Variants in CDC42BPA observed in about 807,000 individuals in gnomAD.
CDC42BPA encodes the protein serine/threonine-protein kinase MRCK alpha.
Under a neutral mutation model 223.5 loss-of-function variants are expected in CDC42BPA, and 80 were observed. The observed-to-expected ratio is 0.36, with a 90% CI of 0.30 to 0.43. The LOEUF (loss-of-function observed/expected upper bound fraction) is 0.43, where lower values mean the gene tolerates loss of function less well. Ranked by LOEUF, CDC42BPA falls within the 20% of genes least tolerant of loss-of-function variation. The probability of loss-of-function intolerance (pLI) is 1.00; values close to 1 mark genes in which losing one functional copy is unlikely to be tolerated. For missense variants in CDC42BPA, 1,743 were observed against 2,099.9 expected (o/e 0.83, Z 3.32); for synonymous variants, 694 against 718.6 (o/e 0.97, Z 0.55).
intron 14 of CDC42BPA, among the ~76,000 whole-genome samples, chr1:227,107,825 T>C (rs1453642614): frequency 6.6e-6 from 1 of 152,166 alleles, no homozygotes; most frequent in African/African-American, 2.4e-5. Context: ...GGGTTATTTG[T>C]ATCCTTCTAA....
chr1:227,242,490 G>A (rs2670451), intron 2 of CDC42BPA, among the ~76,000 whole-genome samples: 14,901 of 151,868 alleles, frequency 0.098, 1,177 homozygotes, highest in East Asian at 0.36. Flanking sequence ...AGATCAAGAT[G>A]AACATATAGA....
intron 9 of CDC42BPA, among the ~76,000 whole-genome samples, chr1:227,142,169 T>C (rs904939690): frequency 1.3e-5 from 2 of 152,140 alleles, no homozygotes; most frequent in African/African-American, 2.4e-5. Context: ...TAATAGTTAA[T>C]GTTCACTTAG....
At chr1:227,212,877 A>C (rs191519524) in intron 3 of CDC42BPA, among the ~76,000 whole-genome samples, 1 of 152,310 alleles carries the variant, frequency 6.6e-6, no homozygotes, top group East Asian at 1.9e-4. Context: ...TAGTTTGCAG[A>C]CATCCTTTAA....
chr1:227,179,635 C>CAAAAAAAAAAAAAAAA lies in CDC42BPA; in HGVS notation c.599+14135_599+14150dup, dbSNP rs59744442. 7.0e-4 allele frequency among the ~76,000 whole-genome samples: 24 copies of CAAAAAAAAAAAAAAAA among 34,242 alleles called. 3 individuals are homozygous for CAAAAAAAAAAAAAAAA. The highest frequency in any genetic ancestry group is 1.1e-3 in the Non-Finnish European group (22 of 20,246). The allele number at this position is 34,242 out of a possible 152,430, so 22.5% of individuals were successfully genotyped here. ...TGGGCAACAGAGCGAGCCTCCATCT[C>CAAAAAAAAAAAAAAAA]AAAAAAAAAAAAAAAAAAAAAAAAA... On this transcript the variant is annotated intron_variant, in intron 5 of 36. Coordinates refer to ENST00000366766, the MANE Select transcript of CDC42BPA (RefSeq NM_001394014.1).
At chr1:227,216,493 A>C (rs1674878618) in intron 2 of CDC42BPA, among the ~76,000 whole-genome samples, 1 of 152,228 alleles carries the variant, frequency 6.6e-6, no homozygotes, top group Non-Finnish European at 1.5e-5. Context: ...GGTGAAATAA[A>C]AGTCAGTTCA....
At chr1:227,123,430 T>C (rs562504448) in intron 11 of CDC42BPA, among the ~76,000 whole-genome samples, 8 of 152,348 alleles carry the variant, frequency 5.3e-5, no homozygotes, top group South Asian at 4.1e-4. Context: ...GCATCATACA[T>C]ATGGGGTTAT....
At chr1:227,080,822 A>G (rs1680475637) in intron 17 of CDC42BPA, 71 bp downstream of exon 17, 2 of 1,549,730 alleles carry the variant, frequency 1.3e-6, no homozygotes, top group Admixed American at 3.4e-5. Context: ...ATTAGTAGCC[A>G]CCTGGAATTC....
chr1:227,079,354 A>T (rs1680168149), intron 17 of CDC42BPA, among the ~76,000 whole-genome samples: 1 of 152,124 alleles, frequency 6.6e-6, no homozygotes, highest in South Asian at 2.1e-4. Context: ...GCCCACATTG[A>T]AAGCTTCCTT....
chr1:227,226,686 T>G (rs1207909517), intron 2 of CDC42BPA, among the ~76,000 whole-genome samples: 1 of 152,238 alleles, frequency 6.6e-6, no homozygotes, highest in East Asian at 1.9e-4. Flanking sequence ...GTTTTCTTTT[T>G]AAGTTAGTAT....
At chr1:227,084,658 G>C (rs952422490) in intron 16 of CDC42BPA, among the ~76,000 whole-genome samples, 25 of 150,376 alleles carry the variant, frequency 1.7e-4, no homozygotes, top group Non-Finnish European at 4.4e-5. Context: ...TTTTTTGTAT[G>C]TTTGTAGAGA....
chr1:227,108,665 G>A (rs1305160906), intron 14 of CDC42BPA, among the ~76,000 whole-genome samples: 2 of 152,148 alleles, frequency 1.3e-5, no homozygotes, highest in South Asian at 2.1e-4. Flanking sequence ...TAAAATCCAC[G>A]GATGCTCAAG....
chr1:227,305,456 A>G (rs1213024281), intron 1 of CDC42BPA, among the ~76,000 whole-genome samples: 3 of 152,092 alleles, frequency 2.0e-5, no homozygotes, highest in East Asian at 3.8e-4. Flanking sequence ...CCTCGTCTTC[A>G]TTTCTTGTTG....
intron 8 of CDC42BPA, among the ~76,000 whole-genome samples, chr1:227,145,124 T>G (rs1424568796): frequency 6.6e-6 from 1 of 152,230 alleles, no homozygotes; most frequent in Non-Finnish European, 1.5e-5. Flanking sequence ...ATGGTTGATT[T>G]TGATAATTTT....
chr1:227,136,016 T>C (rs1362950228), intron 10 of CDC42BPA, among the ~76,000 whole-genome samples: 1 of 152,078 alleles, frequency 6.6e-6, no homozygotes, highest in Non-Finnish European at 1.5e-5. Flanking sequence ...ATGACATCTT[T>C]CACATGAGAC....
intron 1 of CDC42BPA, among the ~76,000 whole-genome samples, chr1:227,274,855 T>C (rs1268777994): frequency 6.6e-6 from 1 of 152,146 alleles, no homozygotes; most frequent in Non-Finnish European, 1.5e-5. Flanking sequence ...AAGGTGCAAT[T>C]CATCAGGAAA....
intron 6 of CDC42BPA, among the ~76,000 whole-genome samples, chr1:227,157,955 C>CTTTTTTTTTTTT (rs59212512): frequency 6.9e-6 from 1 of 144,962 alleles, no homozygotes; most frequent in Non-Finnish European, 1.5e-5. Context: ...ATTTTTATAA[C>CTTTTTTTTTTTT]TTTTTTTTTT....
At position 226,990,344 on chromosome 1, in the gene CDC42BPA, T is replaced by C. The variant is rs1660582770; in HGVS notation, c.*3924A>G. 6.6e-6 allele frequency: 1 copy of C among 152,214 alleles called. No homozygotes were observed. Among genetic ancestry groups the C allele is most frequent in the African/African-American group, 2.4e-5 (1 of 41,448 alleles). The allele number at this position is 152,214 out of a possible 1,614,324, so 9.4% of individuals were successfully genotyped here. Reference sequence around the variant, plus strand: ...GGAGGGCCCAGCGTGCTGCCAGTGCTGGGGGGCAGGGCTTACACTCCTTAT... The same window carrying C: ...GGAGGGCCCAGCGTGCTGCCAGTGCCGGGGGGCAGGGCTTACACTCCTTAT... On this transcript the variant is annotated 3_prime_UTR_variant, in exon 37 of 37. Coordinates refer to ENST00000366766, the MANE Select transcript of CDC42BPA (RefSeq NM_001394014.1).
At chr1:227,053,492 C>T (rs1467597644) in intron 21 of CDC42BPA, among the ~76,000 whole-genome samples, 2 of 152,088 alleles carry the variant, frequency 1.3e-5, no homozygotes, top group Admixed American at 1.3e-4. Flanking sequence ...AAAACTGGGC[C>T]ACTGAACTAA....
rs552008903 is a variant in CDC42BPA, at chr1:227,301,384, G to C, written c.178+15621C>G. 4.1e-5 allele frequency among the ~76,000 whole-genome samples: 6 copies of C among 147,778 alleles called. No homozygotes were observed. In the East Asian group the frequency reaches 1.2e-3, roughly 29 times the overall value. On this transcript the variant is annotated intron_variant, in intron 1 of 36. Coordinates refer to ENST00000366766, the MANE Select transcript of CDC42BPA (RefSeq NM_001394014.1). ...GACATTTTTTTTTTTTTTTTGAGAC[G>C]AAGTCTCACTCTGTCGCCAAGCTAG...
Sources: gnomAD v4.1 joint callset for allele counts (sites outside exome capture counted in the v4.1 genomes callset) on GRCh38, gnomAD v4.1.1 for gene constraint, MANE v1.5 for transcripts, NCBI Gene and HGNC (gene_info 2026-07-23, HGNC 2026-07-21) for gene names.